The following SMYD1 variants were observed in gnomAD, a reference collection of about 807,000 sequenced individuals.
SMYD1 encodes histone-lysine N-methyltransferase SMYD1.
Under a neutral mutation model 54.0 loss-of-function variants are expected in SMYD1, and 49 were observed. The observed-to-expected ratio is 0.91, with a 90% CI of 0.72 to 1.15. The LOEUF is 1.15. Ranked by LOEUF, SMYD1 falls within the 50% of genes most tolerant of loss-of-function variation. The pLI, the probability that SMYD1 is intolerant of heterozygous loss-of-function variation, is 0.00. For synonymous variants in SMYD1, 269 were observed against 234.2 expected (o/e 1.15, Z -1.36); for missense variants, 653 against 639.6 (o/e 1.02, Z -0.23).
At chr2:88,108,295 C>G in intron 8 of SMYD1, 76 bp from the exon 9 acceptor site, 1 of 1,402,410 alleles carries the variant, frequency 7.1e-7, no homozygotes, top group Non-Finnish European at 9.4e-7. Flanking sequence ...AACAAGGGCA[C>G]TTTATACATT....
At position 88,093,524 on chromosome 2, in the gene SMYD1, G is replaced by A; in HGVS notation, c.667G>A (p.Ala223Thr). The A allele has an allele frequency of 1.9e-6, 3 of 1,614,090 alleles. No individual in the cohort carries two copies. The highest frequency in any genetic ancestry group is 1.7e-6 in the Non-Finnish European group (2 of 1,180,008). The change falls in exon 5 of 10, where the codon GCA becomes ACA. Residue 223 changes from alanine (A) to threonine (T), a missense_variant. Coordinates refer to ENST00000419482, the MANE Select transcript of SMYD1 (RefSeq NM_198274.4). The part of the protein sequence containing the change: ...TVIFNNGNHE[A>T]VKSMFHTQMR... ...GTCTGTTTTGTCTTTCAGTCATGAG[G>A]CAGTGAAATCCATGTTTCATACCCA... is the stretch of plus-strand genomic sequence containing the variant.
intron 1 of SMYD1, among the ~76,000 whole-genome samples, chr2:88,072,896 T>A (rs1489922438): frequency 6.6e-6 from 1 of 152,210 alleles, no homozygotes; most frequent in African/African-American, 2.4e-5. Context: ...TTTAATTAGA[T>A]GCCATATATT....
chr2:88,105,921 G>C (rs1674856976), intron 7 of SMYD1, among the ~76,000 whole-genome samples: 1 of 150,328 alleles, frequency 6.7e-6, no homozygotes. Context: ...CTGGGCAATG[G>C]AGTGAGACTC....
At chr2:88,072,014 A>G (rs1259559183) in intron 1 of SMYD1, among the ~76,000 whole-genome samples, 1 of 152,214 alleles carries the variant, frequency 6.6e-6, no homozygotes, top group East Asian at 1.9e-4. Flanking sequence ...AAAAAAAAAA[A>G]AAACCCCAGC....
intron 7 of SMYD1, among the ~76,000 whole-genome samples, chr2:88,105,276 T>C (rs1016452959): frequency 2.0e-5 from 3 of 152,172 alleles, no homozygotes; most frequent in Admixed American, 6.5e-5. Flanking sequence ...TGTGCTTCAG[T>C]TTTCTCATCT....
chr2:88,084,573 T>C, intron 2 of SMYD1, 81 bp downstream of exon 2: 1 of 1,372,218 alleles, frequency 7.3e-7, no homozygotes, highest in Non-Finnish European at 9.9e-7. Context: ...TTCCCAGATC[T>C]AAGGAAGCCA....
At position 88,083,419 on chromosome 2, in the gene SMYD1, G is replaced by T. The variant is rs537438422; in HGVS notation, c.138-897G>T. 3.3e-5 allele frequency among the ~76,000 whole-genome samples: 5 copies of T among 152,142 alleles called. No individual in the cohort carries two copies. The South Asian group carries it at 1.0e-3, about 32-fold the overall frequency. ...TCTCTAATGGGAACACTAAGAGGCT[G>T]GAAGCACCGGGCGGGGATCCTCATC... On this transcript the variant is annotated intron_variant, in intron 1 of 9. Transcript: ENST00000419482.
intron 3 of SMYD1, among the ~76,000 whole-genome samples, 192 bp from the exon 4 acceptor site, chr2:88,090,820 G>A (rs1674444085): frequency 2.6e-5 from 4 of 152,224 alleles, no homozygotes; most frequent in African/African-American, 9.6e-5. Flanking sequence ...GTATGGGACT[G>A]TTCCATGGCC....
chr2:88,091,157 A>T lies in SMYD1; in HGVS notation c.659+15A>T. The T allele has an allele frequency of 6.2e-7, 1 of 1,611,854 alleles. No homozygotes were observed. Among genetic ancestry groups the T allele is most frequent in the Non-Finnish European group, 8.5e-7 (1 of 1,178,362 alleles). ...AACAATGGCAAGTGAGTATGTCTTTATGTGGGGGTGTGTGTGAAGGGGATG... is the reference window on the plus strand; with the variant it reads ...AACAATGGCAAGTGAGTATGTCTTTTTGTGGGGGTGTGTGTGAAGGGGATG... On this transcript the variant is annotated intron_variant, in intron 4 of 9. Transcript: ENST00000419482.
At chr2:88,098,247 C>G (rs1009667125) in intron 6 of SMYD1, among the ~76,000 whole-genome samples, 1 of 152,164 alleles carries the variant, frequency 6.6e-6, no homozygotes, top group African/African-American at 2.4e-5. Context: ...CCTCTTTTCT[C>G]TATTCTAAAA....
intron 1 of SMYD1, among the ~76,000 whole-genome samples, chr2:88,078,144 C>A (rs1003933981): frequency 6.6e-6 from 1 of 152,132 alleles, no homozygotes; most frequent in African/African-American, 2.4e-5. Flanking sequence ...GAGAGGAGCT[C>A]AGCGATCAAC....
chr2:88,088,558 G>A (rs1029791874), intron 3 of SMYD1, among the ~76,000 whole-genome samples: 15 of 152,286 alleles, frequency 9.8e-5, no homozygotes, highest in South Asian at 2.1e-4. Context: ...CATTCCTGCT[G>A]TATCTGAATT....
intron 4 of SMYD1, among the ~76,000 whole-genome samples, chr2:88,092,426 C>T (rs1274351887): frequency 6.6e-6 from 1 of 152,098 alleles, no homozygotes; most frequent in Non-Finnish European, 1.5e-5. Flanking sequence ...TAGAGATGAG[C>T]TTTTATGACA....
chr2:88,081,440 CTT>C (rs1165739190), intron 1 of SMYD1, among the ~76,000 whole-genome samples: 17 of 140,202 alleles, frequency 1.2e-4, no homozygotes, highest in East Asian at 2.1e-4. Flanking sequence ...CTAATTTTTT[CTT>C]TTTTTTTTTT....
chr2:88,081,666 C>T (rs1454931391), intron 1 of SMYD1, among the ~76,000 whole-genome samples: 1 of 152,022 alleles, frequency 6.6e-6, no homozygotes, highest in South Asian at 2.1e-4. Flanking sequence ...AAACTTCTGA[C>T]CTCAGGTGAT....
rs569062256 is a variant in SMYD1 at position 88,104,176 on chromosome 2, C to G, written c.981+1026C>G. ...AGAGAAGGGGTTTCACCATGTTAGC[C>G]AGGATGGTCTCGATTTCCCAACATC... On this transcript the variant is annotated intron_variant, in intron 7 of 9. Coordinates refer to ENST00000419482, the MANE Select transcript of SMYD1 (RefSeq NM_198274.4). Among the ~76,000 whole-genome samples, 408 of 152,240 alleles carry G rather than the reference C, an allele frequency of 2.7e-3. 2 individuals carry two copies. Among genetic ancestry groups the G allele is most frequent in the Non-Finnish European group, 3.6e-3 (244 of 68,016 alleles).
chr2:88,093,444 C>T lies in SMYD1; in HGVS notation c.660-73C>T. The T allele has an allele frequency of 4.5e-6, 7 of 1,544,226 alleles. 1 individual carries two copies. In the South Asian group the frequency reaches 5.6e-5, roughly 12 times the overall value. ...TGATACTGTGACCCAGAATGCTGTA[C>T]ACCCTTGCACTGGATCACACCTGAT... is the stretch of plus-strand genomic sequence containing the variant. On this transcript the variant is annotated intron_variant, in intron 4 of 9. Transcript: ENST00000419482.
chr2:88,075,007 T>C (rs889973669), intron 1 of SMYD1, among the ~76,000 whole-genome samples: 3 of 152,212 alleles, frequency 2.0e-5, no homozygotes, highest in African/African-American at 7.2e-5. Context: ...TAAATGATGC[T>C]ATAAATGGAA....
chr2:88,096,620 A>T lies in SMYD1; in HGVS notation c.724A>T (p.Ile242Phe), dbSNP rs1052386404. The T allele has an allele frequency of 6.2e-7, 1 of 1,613,290 alleles. No individual in the cohort carries two copies. Among genetic ancestry groups the T allele is most frequent in the African/African-American group, 1.3e-5 (1 of 74,900 alleles). The change falls in exon 6 of 10, where the codon ATC becomes TTC. Residue 242 changes from isoleucine (I) to phenylalanine (F), a missense_variant. Transcript: ENST00000419482. ...MRIELRALGK[I>F]SEGEELTVSY... ...AATTGAGCTCCGGGCCCTAGGCAAG[A>T]TCTCAGAAGGAGAGGAGCTGACTGT...
Sources: allele counts gnomAD v4.1 joint callset (sites outside exome capture counted in the v4.1 genomes callset), GRCh38; gene constraint gnomAD v4.1.1; transcripts MANE v1.5; gene names NCBI Gene and HGNC (gene_info 2026-07-23, HGNC 2026-07-21).